Variants in IGSF11 observed in about 807,000 individuals in gnomAD.
The protein encoded by IGSF11 is CXADR like 1.
A neutral mutation model predicts 41.0 loss-of-function variants in IGSF11; 22 were observed. That is an observed-to-expected ratio of 0.54 (90% CI 0.38 to 0.77). The LOEUF is 0.77. Among genes scored for constraint, IGSF11 ranks in the 30% least tolerant of loss-of-function variants. IGSF11 has a pLI of 0.00. For missense variants in IGSF11, 444 were observed against 530.8 expected (o/e 0.84, Z 1.61); for synonymous variants, 219 against 201.3 (o/e 1.09, Z -0.74).
intron 1 of IGSF11, among the ~76,000 whole-genome samples, chr3:119,125,883 G>C (rs1193935697): frequency 6.6e-6 from 1 of 152,188 alleles, no homozygotes; most frequent in Non-Finnish European, 1.5e-5. Flanking sequence ...CCCAGCTGGG[G>C]AAACCGTGCA....
At position 118,926,206 on chromosome 3, in the gene IGSF11, T is replaced by C. The variant is rs1401144996; in HGVS notation, c.475A>G (p.Ser159Gly). ...CQIQGSQDIGSDVILLCSSEE... is the reference protein window; with the variant it reads ...CQIQGSQDIGGDVILLCSSEE... ...GAGCTACAGAGCAGGATGACATCGC[T>C]GCCAATATCCTGGGATCCTTGGATT... The change falls in exon 4 of 7, where the codon AGC becomes GGC. Residue 159 changes from serine to glycine, a missense_variant. This residue lies in a region of IGSF11 where 193 missense variants were observed against 283.5 expected (regional missense o/e 0.68). Coordinates refer to ENST00000393775, the MANE Select transcript of IGSF11 (RefSeq NM_001015887.3). 6.2e-7 allele frequency: 1 copy of C among 1,611,556 alleles called. No homozygotes were observed. Among genetic ancestry groups the C allele is most frequent in the Admixed American group, 1.7e-5 (1 of 59,882 alleles).
intron 1 of IGSF11, among the ~76,000 whole-genome samples, chr3:119,002,222 G>T (rs1344971504): frequency 7.3e-6 from 1 of 137,868 alleles, no homozygotes; most frequent in Non-Finnish European, 1.5e-5. Context: ...CTGATGGCCA[G>T]TGATGATGAG....
chr3:118,901,072 T>C lies in IGSF11; in HGVS notation c.*1448A>G, dbSNP rs886343924. On this transcript the variant is annotated 3_prime_UTR_variant, in exon 7 of 7. Transcript: ENST00000393775. ...ATCCAGAAAGAAAAGACACTCTTATTGAGACATGGGATGAGTATCATAAGT... is the reference window on the plus strand; with the variant it reads ...ATCCAGAAAGAAAAGACACTCTTATCGAGACATGGGATGAGTATCATAAGT... 1 of 152,560 alleles carries C rather than the reference T, an allele frequency of 6.6e-6. No individual in the cohort carries two copies. Among genetic ancestry groups the C allele is most frequent in the Non-Finnish European group, 1.5e-5 (1 of 68,024 alleles). The allele number at this position is 152,560 out of a possible 1,614,324, so 9.5% of individuals were successfully genotyped here.
intron 1 of IGSF11, among the ~76,000 whole-genome samples, chr3:119,091,832 C>T (rs981620061): frequency 2.0e-5 from 3 of 151,224 alleles, no homozygotes; most frequent in African/African-American, 7.3e-5. Flanking sequence ...TGCAAATGTG[C>T]CCCCTGTATG....
At chr3:118,965,928 T>C (rs113877193) in intron 1 of IGSF11, among the ~76,000 whole-genome samples, 2 of 151,808 alleles carry the variant, frequency 1.3e-5, no homozygotes, top group East Asian at 1.9e-4. Context: ...GTGGATGAGT[T>C]CTGGGTATGG....
intron 1 of IGSF11, among the ~76,000 whole-genome samples, chr3:118,999,740 A>G (rs1936624021): frequency 6.6e-6 from 1 of 152,210 alleles, no homozygotes; most frequent in Admixed American, 6.5e-5. Flanking sequence ...ATAATACAAT[A>G]TCCATTTAAA....
At chr3:118,978,753 G>A (rs1275122915) in intron 1 of IGSF11, among the ~76,000 whole-genome samples, 4 of 152,084 alleles carry the variant, frequency 2.6e-5, no homozygotes, top group Non-Finnish European at 4.4e-5. Context: ...CTACCCAACC[G>A]ACACCATATA....
At chr3:119,005,020 T>G (rs892868782) in intron 1 of IGSF11, among the ~76,000 whole-genome samples, 1 of 149,838 alleles carries the variant, frequency 6.7e-6, no homozygotes, top group African/African-American at 2.5e-5. Flanking sequence ...GGTATCCTTG[T>G]TGACTTCCTG....
intron 1 of IGSF11, among the ~76,000 whole-genome samples, chr3:118,961,533 C>A (rs71325350): frequency 0.12 from 17,661 of 152,128 alleles, 1,264 homozygotes; most frequent in East Asian, 0.19. Flanking sequence ...AATTAATTAA[C>A]CACACAGTGA....
At chr3:118,910,218 T>C (rs1202603669) in intron 4 of IGSF11, among the ~76,000 whole-genome samples, 1 of 152,150 alleles carries the variant, frequency 6.6e-6, no homozygotes, top group African/African-American at 2.4e-5. Flanking sequence ...AATGTTACCA[T>C]TATCATTATT....
chr3:118,943,613 T>C (rs1002873401), intron 1 of IGSF11, among the ~76,000 whole-genome samples: 3 of 152,238 alleles, frequency 2.0e-5, no homozygotes, highest in Non-Finnish European at 4.4e-5. Context: ...AAAGGACTTC[T>C]GAAAATCTAG....
intron 1 of IGSF11, among the ~76,000 whole-genome samples, chr3:119,130,397 G>A (rs2107538432): frequency 6.6e-6 from 1 of 152,330 alleles, no homozygotes; most frequent in Admixed American, 6.5e-5. Context: ...AGCAGACCAG[G>A]AGATTCTCTC....
chr3:119,019,411 G>C (rs1939069070), intron 1 of IGSF11, among the ~76,000 whole-genome samples: 1 of 148,522 alleles, frequency 6.7e-6, no homozygotes, highest in Non-Finnish European at 1.5e-5. Flanking sequence ...GCAGGGGTCA[G>C]GAAGATGATT....
intron 1 of IGSF11, among the ~76,000 whole-genome samples, chr3:119,114,676 T>C (rs2077231709): frequency 6.6e-6 from 1 of 152,242 alleles, no homozygotes; most frequent in African/African-American, 2.4e-5. Flanking sequence ...CATCTTCTTG[T>C]CTTTTTCTGA....
intron 1 of IGSF11, among the ~76,000 whole-genome samples, chr3:118,942,026 G>A (rs1319699309): frequency 2.0e-5 from 3 of 152,142 alleles, no homozygotes; most frequent in Non-Finnish European, 4.4e-5. Context: ...GAAGTCCTTG[G>A]AGTTACAGAA....
intron 1 of IGSF11, among the ~76,000 whole-genome samples, chr3:119,115,238 G>A (rs1250485557): frequency 1.3e-5 from 2 of 152,174 alleles, no homozygotes; most frequent in Non-Finnish European, 2.9e-5. Flanking sequence ...TGATACATTG[G>A]GTTTCCTTGC....
chr3:119,055,107 A>C (rs1297073351), intron 1 of IGSF11, among the ~76,000 whole-genome samples: 1 of 152,222 alleles, frequency 6.6e-6, no homozygotes, highest in African/African-American at 2.4e-5. Flanking sequence ...ACAGACCTGC[A>C]GCTGAGGGTC....
intron 1 of IGSF11, among the ~76,000 whole-genome samples, chr3:118,957,180 G>A (rs995874284): frequency 3.9e-5 from 6 of 152,096 alleles, no homozygotes; most frequent in African/African-American, 1.2e-4. Context: ...AAGAAAAAAA[G>A]GTGAATTCCT....
chr3:118,944,140 C>A (rs561003031), intron 1 of IGSF11, among the ~76,000 whole-genome samples: 1 of 152,250 alleles, frequency 6.6e-6, no homozygotes, highest in East Asian at 1.9e-4. Context: ...AATTTAACTT[C>A]TAACTAGTTT....
Sources: gnomAD v4.1 joint callset for allele counts (sites outside exome capture counted in the v4.1 genomes callset) on GRCh38, gnomAD v4.1.1 for gene constraint, gnomAD v4.1.1 regional missense constraint, MANE v1.5 for transcripts, NCBI Gene and HGNC (gene_info 2026-07-23, HGNC 2026-07-21) for gene names.